Variants in LRRN1 observed in about 807,000 individuals in gnomAD.
LRRN1 encodes leucine-rich repeat neuronal protein 1.
Under a neutral mutation model 45.8 loss-of-function variants are expected in LRRN1, and 14 were observed. The observed-to-expected ratio is 0.31, with a 90% CI of 0.20 to 0.48. The LOEUF is 0.48. Among genes scored for constraint, LRRN1 ranks in the 20% least tolerant of loss-of-function variants. LRRN1 has a pLI of 0.99. For missense variants in LRRN1, 789 were observed against 874.2 expected (o/e 0.90, Z 1.23); for synonymous variants, 359 against 330.1 (o/e 1.09, Z -0.95).
rs189771316 is a variant in LRRN1, at chr3:3,816,028, T to C, written c.-279+16109T>C. Among the ~76,000 whole-genome samples, 323 of 152,322 alleles carry C rather than the reference T, an allele frequency of 2.1e-3. 5 individuals carry two copies. The highest frequency in any genetic ancestry group is 7.6e-3 in the African/African-American group (315 of 41,592). ...TAAGCCAATAAAGATGATCTTATCATAGCATTGGATTCTTTTGTATTTTAA... is the reference window on the plus strand; with the variant it reads ...TAAGCCAATAAAGATGATCTTATCACAGCATTGGATTCTTTTGTATTTTAA... On this transcript the variant is annotated intron_variant, in intron 1 of 1. Transcript: ENST00000319331. This position sits in a 1 kb window ranked among gnomAD's most constrained non-coding sequence, Gnocchi z 4.0.
chr3:3,812,267 G>A (rs1399277471), intron 1 of LRRN1, among the ~76,000 whole-genome samples: 1 of 152,202 alleles, frequency 6.6e-6, no homozygotes, highest in East Asian at 1.9e-4. Flanking sequence ...GCTGTGTTAA[G>A]TCCAGTGAAG....
chr3:3,812,846 CAAGTTTGTG>C (rs202011156), intron 1 of LRRN1, among the ~76,000 whole-genome samples: 7,663 of 148,804 alleles, frequency 0.051, 675 homozygotes, highest in African/African-American at 0.18. Context: ...TGTAGCACCA[CAAGTTTGTG>C]AAGTTTGTGG....
intron 1 of LRRN1, among the ~76,000 whole-genome samples, chr3:3,838,198 A>T (rs550915527): frequency 1.3e-5 from 2 of 152,330 alleles, no homozygotes; most frequent in African/African-American, 4.8e-5. Flanking sequence ...GACTACTCAT[A>T]TGCAGAAAAT....
chr3:3,845,525 A>T lies in LRRN1; in HGVS notation c.884A>T (p.Asn295Ile). The change falls in exon 2 of 2, where the codon AAC (asparagine) becomes ATC (isoleucine). Residue 295 changes from asparagine to isoleucine, a missense_variant. Transcript: ENST00000319331. The surrounding 1 kb of genome is among the most constrained non-coding windows in gnomAD (Gnocchi z 6.5). ...CTTCGGTTAAAAGAACTGGGAATCAACAATATGGGCGAGCTCGTTTCTGTC... is the reference window on the plus strand; with the variant it reads ...CTTCGGTTAAAAGAACTGGGAATCATCAATATGGGCGAGCTCGTTTCTGTC... ...NMLRLKELGI[N>I]NMGELVSVDR... 2 of 1,614,136 alleles carry T rather than the reference A, an allele frequency of 1.2e-6. No individual in the cohort carries two copies. Among genetic ancestry groups the T allele is most frequent in the Non-Finnish European group, 1.7e-6 (2 of 1,180,028 alleles).
intron 1 of LRRN1, among the ~76,000 whole-genome samples, chr3:3,801,969 T>C (rs1353927756): frequency 6.6e-6 from 1 of 152,220 alleles, no homozygotes; most frequent in Non-Finnish European, 1.5e-5. Flanking sequence ...GAGCTATTCA[T>C]TATAGTAGAA....
intron 1 of LRRN1, among the ~76,000 whole-genome samples, chr3:3,844,028 T>C (rs558996751): frequency 4.3e-4 from 65 of 152,150 alleles, no homozygotes; most frequent in Middle Eastern, 6.8e-3. Context: ...CTATTAAGTA[T>C]GTATGAGTGT....
intron 1 of LRRN1, among the ~76,000 whole-genome samples, chr3:3,804,557 G>A (rs1437461475): frequency 6.6e-6 from 1 of 152,196 alleles, no homozygotes; most frequent in Non-Finnish European, 1.5e-5. Context: ...AGTGAAAACT[G>A]CTTTTAGAGT....
intron 1 of LRRN1, among the ~76,000 whole-genome samples, chr3:3,809,834 A>G (rs546950390): frequency 5.8e-4 from 89 of 152,326 alleles, no homozygotes; most frequent in African/African-American, 1.8e-3. Flanking sequence ...CTTCCAAGGT[A>G]CATACTTAGT....
chr3:3,806,204 T>C (rs145826175), intron 1 of LRRN1, among the ~76,000 whole-genome samples: 271 of 152,276 alleles, frequency 1.8e-3, no homozygotes, highest in African/African-American at 6.1e-3. Context: ...ATGTCAGTAG[T>C]CGCAAGGATC....
chr3:3,846,344 T>C lies in LRRN1; in HGVS notation c.1703T>C (p.Ile568Thr), dbSNP rs1031761484. The C allele has an allele frequency of 6.2e-7, 1 of 1,613,698 alleles. No individual in the cohort carries two copies. The highest frequency in any genetic ancestry group is 8.5e-7 in the Non-Finnish European group (1 of 1,180,010). The change falls in exon 2 of 2, where the codon ATA becomes ACA. Residue 568 changes from isoleucine to threonine, a missense_variant. Coordinates refer to ENST00000319331, the MANE Select transcript of LRRN1 (RefSeq NM_020873.7). The surrounding 1 kb of genome is among the most constrained non-coding windows in gnomAD (Gnocchi z 5.7). ...ACCATGAAGATTGATAACCCTCACA[T>C]AACATATACTGCCAGGGTCCCAGTC... ...SATMKIDNPH[I>T]TYTARVPVDV...
At position 3,846,382 on chromosome 3, in the gene LRRN1, T is replaced by A; in HGVS notation, c.1741T>A (p.Tyr581Asn). 1 of 1,613,882 alleles carries A rather than the reference T, an allele frequency of 6.2e-7. No individual in the cohort carries two copies. Among genetic ancestry groups the A allele is most frequent in the Non-Finnish European group, 8.5e-7 (1 of 1,180,020 alleles). The change falls in exon 2 of 2, where the codon TAC becomes AAC. Residue 581 changes from tyrosine to asparagine, a missense_variant. Transcript: ENST00000319331. This position sits in a 1 kb window ranked among gnomAD's most constrained non-coding sequence, Gnocchi z 5.7. ...CAGGGTCCCAGTCGATGTCCATGAA[T>A]ACAACCTAACGCATCTGCAGCCTTC... Reference protein sequence around the residue: ...TARVPVDVHEYNLTHLQPSTD... With the variant: ...TARVPVDVHENNLTHLQPSTD...
Position 3,844,897 on chromosome 3 carries a change from A to G in LRRN1, c.256A>G (p.Lys86Glu). 6.2e-7 allele frequency: 1 copy of G among 1,614,142 alleles called. No homozygotes were observed. The highest frequency in any genetic ancestry group is 8.5e-7 in the Non-Finnish European group (1 of 1,180,006). The change falls in exon 2 of 2, where the codon AAG (lysine) becomes GAG (glutamate). Residue 86 changes from lysine (K) to glutamate (E), a missense_variant. Transcript: ENST00000319331. ...VLLLQSNNIA[K>E]TVDELQQLFN... ...TCTCTTACAGAGCAATAACATCGCA[A>G]AGACTGTGGATGAGCTGCAGCAGCT... is the stretch of plus-strand genomic sequence containing the variant.
At chr3:3,815,423 C>A (rs1191984954) in intron 1 of LRRN1, among the ~76,000 whole-genome samples, 1 of 152,152 alleles carries the variant, frequency 6.6e-6, no homozygotes, top group East Asian at 1.9e-4. Context: ...TATTCTAATT[C>A]ATTTCTATCA....
At chr3:3,805,358 ACAATAG>A (rs1291070102) in intron 1 of LRRN1, among the ~76,000 whole-genome samples, 2 of 152,250 alleles carry the variant, frequency 1.3e-5, no homozygotes, top group Non-Finnish European at 2.9e-5. Flanking sequence ...TTGTTATTTC[ACAATAG>A]TGATAAGTCT....
In LRRN1 at chr3:3,834,564, T is replaced by TATATATATGATATATA. The variant is rs1406987073; in HGVS notation, c.-278-9800_-278-9799insATATATATGATATATA. Among the ~76,000 whole-genome samples, 9 of 110,386 alleles carry TATATATATGATATATA rather than the reference T, an allele frequency of 8.2e-5. No individual in the cohort carries two copies. In the South Asian group the frequency reaches 2.0e-3, roughly 25 times the overall value. 72.4% of individuals were successfully genotyped at this position (110,386 alleles called of 152,430 possible). Reference sequence around the variant, plus strand: ...TATATATATATATATGATATATATATTATTATACATATTATATATCATATT... The same window carrying TATATATATGATATATA: ...TATATATATATATATGATATATATATATATATATGATATATATATTATACATATTATATATCATATT... On this transcript the variant is annotated intron_variant, in intron 1 of 1. Coordinates refer to ENST00000319331, the MANE Select transcript of LRRN1 (RefSeq NM_020873.7).
Position 3,844,678 on chromosome 3 carries a change from T to C in LRRN1, c.37T>C (p.Leu13=), listed in dbSNP as rs756998913. The C allele has an allele frequency of 1.9e-6, 3 of 1,613,336 alleles. No individual in the cohort carries two copies. Among genetic ancestry groups the C allele is most frequent in the Non-Finnish European group, 2.5e-6 (3 of 1,179,436 alleles). ...GAGCTTTGTTATAGCAGCTTGCCAA[T>C]TGGTGCTGGGCCTACTAATGACTTC... The part of the protein sequence containing the change: ...RMSFVIAACQ[L]VLGLLMTSLT... The change falls in exon 2 of 2, where the codon TTG becomes CTG. Residue 13 remains leucine (L), a synonymous_variant. Coordinates refer to ENST00000319331, the MANE Select transcript of LRRN1 (RefSeq NM_020873.7).
rs1366914881 is a variant in LRRN1, at chr3:3,799,772, G to A, written c.-426G>A. 1.3e-3 allele frequency: 200 copies of A among 156,452 alleles called. 5 individuals carry two copies. The highest frequency in any genetic ancestry group is 4.3e-5 in the Non-Finnish European group (3 of 70,224). The allele number at this position is 156,452 out of a possible 1,614,324, so 9.7% of individuals were successfully genotyped here. A position where few individuals can be genotyped will look rare whatever the true frequency, so the allele number is the denominator to read the frequency against. ...CCCGGGGGTGCCCCAAGGAGCCAGT[G>A]CGCGCTGCGGGCTGGGAAGGAGGCG... On this transcript the variant is annotated 5_prime_UTR_variant, in exon 1 of 2. Coordinates refer to ENST00000319331, the MANE Select transcript of LRRN1 (RefSeq NM_020873.7).
intron 1 of LRRN1, among the ~76,000 whole-genome samples, chr3:3,828,410 G>A (rs1331614392): frequency 2.0e-5 from 3 of 151,714 alleles, no homozygotes; most frequent in African/African-American, 7.3e-5. Context: ...TTGCTGGAAG[G>A]TGATTAGATC....
At chr3:3,805,531 G>A (rs1301431561) in intron 1 of LRRN1, among the ~76,000 whole-genome samples, 7 of 152,104 alleles carry the variant, frequency 4.6e-5, no homozygotes, top group South Asian at 4.1e-4. Context: ...AGAGTTGTGC[G>A]TTAAAGGATC....
Sources: allele counts gnomAD v4.1 joint callset (sites outside exome capture counted in the v4.1 genomes callset), GRCh38; gene constraint gnomAD v4.1.1; non-coding constraint Gnocchi (gnomAD v3.1); transcripts MANE v1.5; gene names NCBI Gene and HGNC (gene_info 2026-07-23, HGNC 2026-07-21).